The following TMTC1 variants were observed in gnomAD, a reference collection of about 807,000 sequenced individuals.
The protein encoded by TMTC1 is transmembrane O-mannosyltransferase targeting cadherins 1, also known as protein O-mannosyl-transferase TMTC1.
In TMTC1, 73 loss-of-function variants were observed where a neutral mutation model predicts 104.8. The ratio of observed to expected loss-of-function variants is 0.70; its 90% CI spans 0.58 to 0.85. The LOEUF is 0.85. Among genes scored for constraint, TMTC1 ranks in the 40% least tolerant of loss-of-function variants. TMTC1 has a pLI of 0.00. For missense variants in TMTC1, 1,035 were observed against 1,096.1 expected (o/e 0.94, Z 0.79); for synonymous variants, 434 against 428.7 (o/e 1.01, Z -0.15).
chr12:29,651,003 T>G (rs1446787983), intron 5 of TMTC1, among the ~76,000 whole-genome samples: 2 of 152,238 alleles, frequency 1.3e-5, no homozygotes, highest in Non-Finnish European at 2.9e-5. Context: ...AACTATGTAT[T>G]CATCCAGTGT....
At chr12:29,711,095 G>T (rs534520793) in intron 5 of TMTC1, among the ~76,000 whole-genome samples, 1 of 150,766 alleles carries the variant, frequency 6.6e-6, no homozygotes, top group African/African-American at 2.4e-5. Context: ...CGATCCTCTT[G>T]TCTCGACCTC....
At chr12:29,616,478 A>T (rs1245254651) in intron 6 of TMTC1, among the ~76,000 whole-genome samples, 1 of 151,912 alleles carries the variant, frequency 6.6e-6, no homozygotes, top group East Asian at 1.9e-4. Flanking sequence ...TCAAGGCCTG[A>T]CCAACATGGT....
chr12:29,622,134 C>T (rs1030132616), intron 6 of TMTC1, among the ~76,000 whole-genome samples: 5 of 152,168 alleles, frequency 3.3e-5, no homozygotes, highest in African/African-American at 1.2e-4. Flanking sequence ...TCTCAAAAGA[C>T]ATCTCATGAC....
At chr12:29,624,694 G>A (rs1937882348) in intron 6 of TMTC1, among the ~76,000 whole-genome samples, 1 of 152,134 alleles carries the variant, frequency 6.6e-6, no homozygotes, top group Non-Finnish European at 1.5e-5. Flanking sequence ...TATCTGTGAG[G>A]CCAGCCCTGA....
intron 5 of TMTC1, among the ~76,000 whole-genome samples, chr12:29,669,558 C>G (rs1483883802): frequency 1.3e-5 from 2 of 152,114 alleles, no homozygotes; most frequent in Non-Finnish European, 2.9e-5. Context: ...TTCCGAGATA[C>G]CAGATGTAGA....
intron 5 of TMTC1, among the ~76,000 whole-genome samples, chr12:29,644,090 A>AATTTAT (rs1565734953): frequency 5.8e-4 from 31 of 53,802 alleles, no homozygotes; most frequent in Non-Finnish European, 8.6e-4. Context: ...TATAAATATA[A>AATTTAT]ATATAAATAT....
At chr12:29,765,346 C>A (rs1943439619) in intron 2 of TMTC1, among the ~76,000 whole-genome samples, 1 of 152,106 alleles carries the variant, frequency 6.6e-6, no homozygotes, top group Non-Finnish European at 1.5e-5. Context: ...AACACTACAG[C>A]AACTTGAAGC....
chr12:29,513,676 G>C (rs1053953573), intron 16 of TMTC1, among the ~76,000 whole-genome samples: 6 of 152,166 alleles, frequency 3.9e-5, no homozygotes, highest in Admixed American at 6.5e-5. Flanking sequence ...GAGAAAGTAT[G>C]TAACATTGTA....
intron 7 of TMTC1, among the ~76,000 whole-genome samples, chr12:29,585,187 C>T (rs1215642072): frequency 1.3e-5 from 2 of 151,144 alleles, no homozygotes; most frequent in Non-Finnish European, 3.0e-5. Flanking sequence ...TCTCTGATGG[C>T]CAGTGATGAT....
At chr12:29,526,728 T>C (rs1408543421) in intron 11 of TMTC1, among the ~76,000 whole-genome samples, 1 of 152,142 alleles carries the variant, frequency 6.6e-6, no homozygotes, top group African/African-American at 2.4e-5. Context: ...AAATGTATCA[T>C]AATTAAGCAA....
At chr12:29,765,458 T>C (rs1435513533) in intron 2 of TMTC1, among the ~76,000 whole-genome samples, 1 of 152,114 alleles carries the variant, frequency 6.6e-6, no homozygotes, top group Non-Finnish European at 1.5e-5. Context: ...TATTTCCCCC[T>C]CATTTTTGTA....
intron 6 of TMTC1, among the ~76,000 whole-genome samples, chr12:29,610,179 G>A (rs1031387395): frequency 6.6e-6 from 1 of 152,180 alleles, no homozygotes; most frequent in Non-Finnish European, 1.5e-5. Flanking sequence ...CACGGGGACA[G>A]GGCAGAAATG....
In TMTC1 at chr12:29,504,274, C is replaced by T. The variant is rs1304711350; in HGVS notation, c.*2572G>A. 2.7e-5 allele frequency: 4 copies of T among 150,836 alleles called. No homozygotes were observed. The highest frequency in any genetic ancestry group is 9.8e-5 in the African/African-American group (4 of 40,890). The allele number at this position is 150,836 out of a possible 1,614,324, so 9.3% of individuals were successfully genotyped here. ...TCCATTAAGGGCAAACTAGATGCAC[C>T]TCTATGATGAACCAGGGCACTCCAT... On this transcript the variant is annotated 3_prime_UTR_variant, in exon 18 of 18. Transcript: ENST00000539277.
chr12:29,681,858 A>G (rs1940930161), intron 5 of TMTC1, among the ~76,000 whole-genome samples: 1 of 152,250 alleles, frequency 6.6e-6, no homozygotes, highest in East Asian at 1.9e-4. Flanking sequence ...GTAATTGCCC[A>G]TTTAATGATA....
intron 8 of TMTC1, among the ~76,000 whole-genome samples, chr12:29,577,496 C>A (rs74754885): frequency 2.4e-3 from 373 of 152,296 alleles, no homozygotes; most frequent in African/African-American, 8.7e-3. Context: ...CTAATGAGAA[C>A]TTGTCACTCC....
At chr12:29,625,132 T>C (rs1008042651) in intron 6 of TMTC1, among the ~76,000 whole-genome samples, 9 of 152,254 alleles carry the variant, frequency 5.9e-5, no homozygotes, top group African/African-American at 1.9e-4. Context: ...GACCGACCTG[T>C]GCTTATTCTG....
Position 29,648,397 on chromosome 12 carries a change from ATTTTC to A in TMTC1, c.939-15066_939-15062del, listed in dbSNP as rs112571814. Among the ~76,000 whole-genome samples, 100 of 152,202 alleles carry A rather than the reference ATTTTC, an allele frequency of 6.6e-4. 1 individual carries two copies. The highest frequency in any genetic ancestry group is 1.3e-3 in the African/African-American group (52 of 41,478). ...CCTATGGTCTTGGGTCTTGAAGAAT[ATTTTC>A]TTTTCTTTTCTTTTCTTTTTTTCAG... On this transcript the variant is annotated intron_variant, in intron 5 of 17. Transcript: ENST00000539277.
chr12:29,566,972 G>C (rs1945533372), intron 9 of TMTC1, among the ~76,000 whole-genome samples: 1 of 152,186 alleles, frequency 6.6e-6, no homozygotes, highest in Non-Finnish European at 1.5e-5. Flanking sequence ...CTCCTCTCTG[G>C]GAATTGCTCT....
intron 6 of TMTC1, among the ~76,000 whole-genome samples, chr12:29,616,984 G>A (rs1350542036): frequency 6.6e-6 from 1 of 152,012 alleles, no homozygotes; most frequent in African/African-American, 2.4e-5. Context: ...TCTTAATATT[G>A]TTTGAACCAA....
Sources: gnomAD v4.1 joint callset for allele counts (sites outside exome capture counted in the v4.1 genomes callset) on GRCh38, gnomAD v4.1.1 for gene constraint, MANE v1.5 for transcripts, NCBI Gene and HGNC (gene_info 2026-07-23, HGNC 2026-07-21) for gene names.